The following MICU1 variants were observed in gnomAD, a reference collection of about 807,000 sequenced individuals.
MICU1 encodes calcium uptake protein 1, mitochondrial.
A neutral mutation model predicts 56.8 loss-of-function variants in MICU1; 45 were observed. That is an observed-to-expected ratio of 0.79 (90% confidence interval 0.62 to 1.02). The LOEUF is 1.02. Ranked by LOEUF, MICU1 falls within the 50% of genes least tolerant of loss-of-function variation. The pLI is 0.00. For missense variants in MICU1, 504 were observed against 587.1 expected, an observed-to-expected ratio of 0.86 and a Z score of 1.46; for synonymous variants, 186 against 195.1, an observed-to-expected ratio of 0.95 and a Z score of 0.39.
chr10:72,400,521 G>A (rs1160337945), intron 10 of MICU1, among the ~76,000 whole-genome samples: 2 of 151,950 alleles, frequency 1.3e-5, no homozygotes, highest in East Asian at 1.9e-4. Flanking sequence ...TAAGGCAGGC[G>A]GATCACCTGA....
intron 1 of MICU1, among the ~76,000 whole-genome samples, chr10:72,572,125 C>T (rs2132487671): frequency 6.6e-6 from 1 of 152,130 alleles, no homozygotes; most frequent in African/African-American, 2.4e-5. Context: ...CTCATCCCTC[C>T]TCCTTGGGAA....
chr10:72,589,597 G>C (rs1243342288), intron 1 of MICU1, among the ~76,000 whole-genome samples: 1 of 150,396 alleles, frequency 6.6e-6, no homozygotes, highest in Non-Finnish European at 1.5e-5. Flanking sequence ...AAAACCCTTA[G>C]AGAATGGGGG....
intron 8 of MICU1, among the ~76,000 whole-genome samples, chr10:72,433,005 T>A (rs1007619428): frequency 1.3e-5 from 2 of 152,252 alleles, no homozygotes; most frequent in African/African-American, 4.8e-5. Context: ...TGACACGATC[T>A]CGGCTCACTG....
chr10:72,486,500 T>C (rs6415909), intron 6 of MICU1, among the ~76,000 whole-genome samples: 98,583 of 152,046 alleles, frequency 0.65, 33,100 homozygotes, highest in African/African-American at 0.77. Flanking sequence ...GAGACAGAGT[T>C]TCATTCTGTC....
At chr10:72,404,543 A>T (rs1182837683) in intron 10 of MICU1, among the ~76,000 whole-genome samples, 1 of 148,954 alleles carries the variant, frequency 6.7e-6, no homozygotes, top group Non-Finnish European at 1.5e-5. Context: ...AGTAAGAAAT[A>T]TTTTTTTAAA....
chr10:72,383,848 G>A (rs1564838645), intron 10 of MICU1, among the ~76,000 whole-genome samples: 1 of 152,026 alleles, frequency 6.6e-6, no homozygotes, highest in African/African-American at 2.4e-5. Flanking sequence ...GCTCAGGCTA[G>A]AGTGCTGTGG....
At chr10:72,496,852 G>A (rs983118796) in intron 6 of MICU1, among the ~76,000 whole-genome samples, 10 of 152,146 alleles carry the variant, frequency 6.6e-5, no homozygotes, top group African/African-American at 2.4e-4. Context: ...GATTACAGGA[G>A]TGAGCCACTG....
intron 1 of MICU1, among the ~76,000 whole-genome samples, chr10:72,606,900 C>A (rs1446697479): frequency 6.6e-6 from 1 of 152,120 alleles, no homozygotes; most frequent in Non-Finnish European, 1.5e-5. Context: ...ATAATGAAGT[C>A]TCCATAAAAA....
chr10:72,602,012 C>G (rs1350380197), intron 1 of MICU1, among the ~76,000 whole-genome samples: 1 of 150,342 alleles, frequency 6.7e-6, no homozygotes, highest in Non-Finnish European at 1.5e-5. Flanking sequence ...ATTGGCCAGG[C>G]TGGTCTCGAA....
chr10:72,615,785 T>TC (rs1466356144), intron 1 of MICU1, among the ~76,000 whole-genome samples: 6 of 151,984 alleles, frequency 3.9e-5, no homozygotes. Context: ...GGTCAGGAGA[T>TC]CGAGACCATC....
At chr10:72,471,880 T>C (rs575669007) in intron 8 of MICU1, among the ~76,000 whole-genome samples, 4 of 152,178 alleles carry the variant, frequency 2.6e-5, no homozygotes, top group South Asian at 2.1e-4. Context: ...AGGAGTATAT[T>C]GGAACATTCC....
chr10:72,491,761 G>A (rs1457980676), intron 6 of MICU1, among the ~76,000 whole-genome samples: 1 of 151,942 alleles, frequency 6.6e-6, no homozygotes, highest in Non-Finnish European at 1.5e-5. Flanking sequence ...AAATCACTAT[G>A]TTTCTTCATT....
At chr10:72,594,473 G>T (rs1293372448) in intron 1 of MICU1, among the ~76,000 whole-genome samples, 1 of 152,000 alleles carries the variant, frequency 6.6e-6, no homozygotes, top group Non-Finnish European at 1.5e-5. Flanking sequence ...TAGGGAAAAA[G>T]CTTCATGACA....
chr10:72,405,200 T>C (rs1224000782), intron 10 of MICU1, among the ~76,000 whole-genome samples: 1 of 152,098 alleles, frequency 6.6e-6, no homozygotes, highest in African/African-American at 2.4e-5. Flanking sequence ...TGAGCCACCA[T>C]GCCTGGCCTA....
At position 72,464,365 on chromosome 10, in the gene MICU1, C is replaced by T. The variant is rs1432502927; in HGVS notation, c.933+10735G>A. Among the ~76,000 whole-genome samples, 9 of 150,804 alleles carry T rather than the reference C, an allele frequency of 6.0e-5. No homozygotes were observed. The South Asian group carries it at 6.3e-4, about 11-fold the overall frequency. ...TTACACACATGCACGTGTGCTCGCACGCGCACACACGTATACATACACACA... is the reference window on the plus strand; with the variant it reads ...TTACACACATGCACGTGTGCTCGCATGCGCACACACGTATACATACACACA... On this transcript the variant is annotated intron_variant, in intron 8 of 11. Coordinates refer to ENST00000361114, the MANE Select transcript of MICU1 (RefSeq NM_001195518.2).
intron 10 of MICU1, among the ~76,000 whole-genome samples, chr10:72,378,774 G>A (rs566786477): frequency 6.6e-5 from 10 of 152,146 alleles, no homozygotes; most frequent in African/African-American, 2.2e-4. Flanking sequence ...TGTGTGACCC[G>A]GATGGAGTCA....
chr10:72,408,034 G>C lies in MICU1; in HGVS notation c.1075C>G (p.Leu359Val). The C allele has an allele frequency of 6.2e-7, 1 of 1,609,994 alleles. No individual in the cohort carries two copies. Among genetic ancestry groups the C allele is most frequent in the Non-Finnish European group, 8.5e-7 (1 of 1,176,704 alleles). ...LKKHFKEGKG[L>V]TFQEVENFFT... ...AAGTTCTCCACCTCCTGAAATGTCAGACCCTGCAAGAGGAGAGACAGCAAG... is the reference window on the plus strand; with the variant it reads ...AAGTTCTCCACCTCCTGAAATGTCACACCCTGCAAGAGGAGAGACAGCAAG... Residue 359 changes from leucine to valine, a missense_variant, in exon 10 of 12, where the codon CTG (leucine) becomes GTG (valine). Leu to Val is a conservative substitution (Grantham distance 32). Coordinates refer to ENST00000361114, the MANE Select transcript of MICU1 (RefSeq NM_001195518.2).
chr10:72,368,073 G>C lies in MICU1; in HGVS notation c.*122C>G. The C allele has an allele frequency of 9.4e-7, 1 of 1,067,882 alleles. No individual in the cohort carries two copies. Among genetic ancestry groups the C allele is most frequent in the Non-Finnish European group, 1.3e-6 (1 of 746,330 alleles). 66.2% of individuals were successfully genotyped at this position (1,067,882 alleles called of 1,614,324 possible). ...AAAGAGGGGAAACCGACAGAGTCCT[G>C]AGGTCATCCCGGGAGGAAGGGGGAC... On this transcript the variant is annotated 3_prime_UTR_variant, in exon 12 of 12. Transcript: ENST00000361114.
At chr10:72,494,670 A>T (rs1019633595) in intron 6 of MICU1, among the ~76,000 whole-genome samples, 8 of 146,332 alleles carry the variant, frequency 5.5e-5, no homozygotes, top group Admixed American at 2.1e-4. Context: ...AAATAAAATT[A>T]AAAAAAAAAA....
Sources: gnomAD v4.1 joint callset for allele counts (sites outside exome capture counted in the v4.1 genomes callset) on GRCh38, gnomAD v4.1.1 for gene constraint, MANE v1.5 for transcripts, NCBI Gene and HGNC (gene_info 2026-07-23, HGNC 2026-07-21) for gene names.